The following DPF3 variants were observed in gnomAD, a reference collection of about 807,000 sequenced individuals.
The protein encoded by DPF3 is double PHD fingers 3.
DPF3 carries 18 observed loss-of-function variants against 56.8 expected under a neutral mutation model. The ratio of observed to expected loss-of-function variants is 0.32; its 90% CI spans 0.22 to 0.47. The LOEUF is 0.47. Ranked by LOEUF, DPF3 falls within the 20% of genes least tolerant of loss-of-function variation. The pLI is 1.00. For synonymous variants in DPF3, 188 were observed against 180.2 expected (o/e 1.04, Z -0.35); for missense variants, 403 against 488.8 (o/e 0.82, Z 1.65).
intron 6 of DPF3, among the ~76,000 whole-genome samples, chr14:72,703,650 C>T (rs538571595): frequency 6.6e-6 from 1 of 152,256 alleles, no homozygotes; most frequent in African/African-American, 2.4e-5. Context: ...TGACCTTGGG[C>T]AAGTGACTTA....
chr14:72,764,552 G>C (rs1451505186), intron 2 of DPF3, among the ~76,000 whole-genome samples: 2 of 116,882 alleles, frequency 1.7e-5, no homozygotes, highest in African/African-American at 3.2e-5. Flanking sequence ...GCAGTGGCAC[G>C]AACTCGGCTC....
At chr14:72,729,056 T>A (rs1275994791) in intron 4 of DPF3, among the ~76,000 whole-genome samples, 1 of 152,002 alleles carries the variant, frequency 6.6e-6, no homozygotes, top group Non-Finnish European at 1.5e-5. Flanking sequence ...GAGACCAGCC[T>A]GGCAAACATG....
chr14:72,676,703 C>T (rs769084455), intron 7 of DPF3, among the ~76,000 whole-genome samples: 7 of 152,202 alleles, frequency 4.6e-5, no homozygotes, highest in Non-Finnish European at 1.0e-4. Context: ...GCTCTCTTGC[C>T]TGCTGCCATG....
At chr14:72,754,439 G>C (rs1387782458) in intron 2 of DPF3, among the ~76,000 whole-genome samples, 6 of 152,202 alleles carry the variant, frequency 3.9e-5, no homozygotes, top group Non-Finnish European at 8.8e-5. Context: ...TCAGAACTGT[G>C]CCTGACACAG....
intron 1 of DPF3, among the ~76,000 whole-genome samples, chr14:72,817,921 T>A (rs1023352766): frequency 1.3e-5 from 2 of 152,004 alleles, no homozygotes; most frequent in Non-Finnish European, 2.9e-5. Flanking sequence ...AATAACAAAA[T>A]GGATCACAGA....
At chr14:72,850,902 C>T (rs1173526102) in intron 1 of DPF3, among the ~76,000 whole-genome samples, 1 of 152,196 alleles carries the variant, frequency 6.6e-6, no homozygotes, top group Non-Finnish European at 1.5e-5. Context: ...ATTAACTTCC[C>T]AGACAGGTGA....
chr14:72,747,105 A>T (rs1890357570), intron 3 of DPF3, among the ~76,000 whole-genome samples: 1 of 152,240 alleles, frequency 6.6e-6, no homozygotes, highest in Non-Finnish European at 1.5e-5. Context: ...TGAGCAGCAC[A>T]ACAAATTCTT....
At chr14:72,751,496 C>T (rs917777425) in intron 3 of DPF3, among the ~76,000 whole-genome samples, 2 of 152,118 alleles carry the variant, frequency 1.3e-5, no homozygotes, top group Non-Finnish European at 2.9e-5. Context: ...GTGATGCTGC[C>T]GCTGCAGGCC....
intron 8 of DPF3, among the ~76,000 whole-genome samples, chr14:72,631,290 C>T (rs930286755): frequency 6.6e-6 from 1 of 152,222 alleles, no homozygotes; most frequent in Non-Finnish European, 1.5e-5. Context: ...TAATAACCCT[C>T]TCAAGGTGAT....
chr14:72,634,402 A>G (rs181953967), intron 8 of DPF3, among the ~76,000 whole-genome samples: 2 of 152,300 alleles, frequency 1.3e-5, no homozygotes, highest in Admixed American at 1.3e-4. Context: ...ACACACTGTT[A>G]GACAAAAAGA....
intron 1 of DPF3, among the ~76,000 whole-genome samples, chr14:72,865,665 G>C (rs185868473): frequency 2.0e-3 from 300 of 152,326 alleles, no homozygotes; most frequent in African/African-American, 6.9e-3. Context: ...GAAACCACAG[G>C]GGGGTAAGGA....
chr14:72,731,759 T>C (rs762448986), intron 4 of DPF3, 48 bp downstream of exon 4: 5 of 1,610,334 alleles, frequency 3.1e-6, no homozygotes, highest in Admixed American at 1.7e-5. Flanking sequence ...CTGGAAGCGC[T>C]ATGGTGACAG....
intron 1 of DPF3, among the ~76,000 whole-genome samples, chr14:72,864,337 G>A (rs887095528): frequency 6.6e-6 from 1 of 152,122 alleles, no homozygotes. Context: ...CCACACATAC[G>A]TGTCCCTACT....
intron 1 of DPF3, among the ~76,000 whole-genome samples, chr14:72,848,175 G>C (rs887403116): frequency 4.0e-5 from 6 of 149,074 alleles, no homozygotes; most frequent in African/African-American, 1.5e-4. Flanking sequence ...ATTTTTTTTT[G>C]GACACAGAGT....
At chr14:72,629,562 ACCCCT>A in intron 9 of DPF3, 57 bp downstream of exon 9, 1 of 1,443,694 alleles carries the variant, frequency 6.9e-7, no homozygotes. Context: ...CTTCCTCTTC[ACCCCT>A]CAAAGGACCC....
intron 4 of DPF3, among the ~76,000 whole-genome samples, chr14:72,725,858 C>T (rs1261987451): frequency 6.6e-6 from 1 of 152,122 alleles, no homozygotes; most frequent in African/African-American, 2.4e-5. Flanking sequence ...TTCTAGTCAC[C>T]CAATCCATCC....
intron 1 of DPF3, among the ~76,000 whole-genome samples, chr14:72,842,128 G>T (rs11158981): frequency 0.58 from 87,259 of 149,748 alleles, 26,224 homozygotes; most frequent in East Asian, 0.89. Flanking sequence ...GACTATAGAA[G>T]AATTTTCTTC....
In DPF3 at chr14:72,619,862, G is replaced by T. The variant is rs747382527; in HGVS notation, c.1066+41C>A. The T allele has an allele frequency of 2.0e-6, 3 of 1,491,932 alleles. No individual in the cohort carries two copies. The African/African-American group carries it at 4.2e-5, about 21-fold the overall frequency. 92.4% of individuals were successfully genotyped at this position (1,491,932 alleles called of 1,614,324 possible). A position where few individuals can be genotyped will look rare whatever the true frequency, so the allele number is the denominator to read the frequency against. The stretch of plus-strand genomic sequence containing the variant: ...AGCTCAGTAAGTGCTAGTAGTAGTA[G>T]TATCTGTTGCTGTTCTTATTGTTGA... On this transcript the variant is annotated intron_variant, in intron 10 of 10. Transcript: ENST00000556509.
intron 6 of DPF3, among the ~76,000 whole-genome samples, chr14:72,700,012 T>C (rs151090561): frequency 1.8e-4 from 27 of 152,266 alleles, no homozygotes; most frequent in Non-Finnish European, 3.7e-4. Flanking sequence ...AGCCTGTGTT[T>C]TACCAGCCTA....
Sources: allele counts gnomAD v4.1 joint callset (sites outside exome capture counted in the v4.1 genomes callset), GRCh38; gene constraint gnomAD v4.1.1; transcripts MANE v1.5; gene names NCBI Gene and HGNC (gene_info 2026-07-23, HGNC 2026-07-21).